The following TMEM17 variants were observed in gnomAD, a reference collection of about 807,000 sequenced individuals.
The protein encoded by TMEM17 is transmembrane protein 17.
Under a neutral mutation model 19.1 loss-of-function variants are expected in TMEM17, and 15 were observed. The ratio of observed to expected loss-of-function variants is 0.78; its 90% CI spans 0.52 to 1.21. The LOEUF (loss-of-function observed/expected upper bound fraction) is 1.21. Ranked by LOEUF, TMEM17 falls within the 50% of genes most tolerant of loss-of-function variation. TMEM17 has a pLI of 0.00. For missense variants in TMEM17, 245 were observed against 242.3 expected (o/e 1.01, Z -0.07); for synonymous variants, 103 against 86.9 (o/e 1.19, Z -1.03).
At chr2:62,475,120 G>A in the TMEM17 span, among the ~76,000 whole-genome samples, 1 of 152,182 alleles carries the variant, frequency 6.6e-6, no homozygotes, top group East Asian at 1.9e-4. Flanking sequence ...TGCAGGAGAA[G>A]CTCCAGGAGA....
the TMEM17 span, among the ~76,000 whole-genome samples, chr2:62,454,791 C>T: frequency 6.6e-6 from 1 of 152,208 alleles, no homozygotes; most frequent in African/African-American, 2.4e-5. Flanking sequence ...GCAAGCTCCG[C>T]CTCCTGGGTT....
At chr2:62,495,312 C>T (rs1679753056), downstream of TMEM17, among the ~76,000 whole-genome samples, 1 of 152,190 alleles carries the variant, frequency 6.6e-6, no homozygotes, top group Admixed American at 6.5e-5. Flanking sequence ...TGATGCCTAG[C>T]CTCACTTTCA....
chr2:62,474,489 C>T, the TMEM17 span, among the ~76,000 whole-genome samples: 25 of 152,290 alleles, frequency 1.6e-4, no homozygotes, highest in Admixed American at 7.8e-4. Context: ...AGCACGGTAA[C>T]GTTCCTACAT....
chr2:62,488,482 G>A, the TMEM17 span, among the ~76,000 whole-genome samples: 1 of 140,048 alleles, frequency 7.1e-6, no homozygotes, highest in African/African-American at 2.7e-5. Context: ...TTTAAATAAA[G>A]GATGAGTTTT....
chr2:62,475,363 G>C, the TMEM17 span, among the ~76,000 whole-genome samples: 1 of 152,230 alleles, frequency 6.6e-6, no homozygotes, highest in Non-Finnish European at 1.5e-5. Context: ...GCCTCTTCGA[G>C]AGGGACCGCT....
In TMEM17 at chr2:62,501,370, T is replaced by C; in HGVS notation, c.436A>G (p.Ile146Val). 1.9e-6 allele frequency: 3 copies of C among 1,614,210 alleles called. No individual in the cohort carries two copies. Among genetic ancestry groups the C allele is most frequent in the Non-Finnish European group, 2.5e-6 (3 of 1,180,044 alleles). ...NLPLEKAIHI[I>V]FTLFLAFQVV... The stretch of plus-strand genomic sequence containing the variant: ...TGGAAAGCAAGGAAGAGAGTGAAGA[T>C]GATATGTATCGCTTTTTCCAAGGGC... Residue 146 changes from isoleucine (I) to valine (V), a missense_variant, in exon 4 of 4, where the codon ATC becomes GTC. By Grantham distance (29) the Ile-to-Val change is conservative (BLOSUM62 3). Coordinates refer to ENST00000335390, the MANE Select transcript of TMEM17 (RefSeq NM_198276.3).
chr2:62,474,683 G>T, the TMEM17 span, among the ~76,000 whole-genome samples: 1 of 152,112 alleles, frequency 6.6e-6, no homozygotes, highest in African/African-American at 2.4e-5. Flanking sequence ...TGCCCTGGGG[G>T]CTGGTAGCAT....
At chr2:62,466,969 T>G in the TMEM17 span, among the ~76,000 whole-genome samples, 1 of 152,156 alleles carries the variant, frequency 6.6e-6, no homozygotes, top group African/African-American at 2.4e-5. Flanking sequence ...CCCTTAGACA[T>G]TCCATTTTAT....
At chr2:62,479,064 G>A in the TMEM17 span, among the ~76,000 whole-genome samples, 752 of 152,272 alleles carry the variant, frequency 4.9e-3, 7 homozygotes, top group African/African-American at 0.017. Context: ...TCATTTCTTC[G>A]TGTTGGGAAC....
At chr2:62,481,588 T>G in the TMEM17 span, among the ~76,000 whole-genome samples, 1 of 152,154 alleles carries the variant, frequency 6.6e-6, no homozygotes, top group African/African-American at 2.4e-5. Flanking sequence ...TGGCCTTTAT[T>G]GTGTTGAGGC....
At chr2:62,468,250 C>G in the TMEM17 span, among the ~76,000 whole-genome samples, 1 of 152,130 alleles carries the variant, frequency 6.6e-6, no homozygotes, top group Admixed American at 6.5e-5. Flanking sequence ...CGGTTTGGCC[C>G]AGGGCTGAGC....
chr2:62,475,820 A>T, the TMEM17 span, among the ~76,000 whole-genome samples: 1 of 152,224 alleles, frequency 6.6e-6, no homozygotes, highest in African/African-American at 2.4e-5. Flanking sequence ...GGAACAAAAC[A>T]TGACTACACT....
intron 3 of TMEM17, 163 bp from the exon 4 acceptor site, chr2:62,501,650 G>C (rs1481291803): frequency 3.0e-6 from 2 of 672,600 alleles, no homozygotes; most frequent in African/African-American, 1.8e-5. Flanking sequence ...TTACAGTCTA[G>C]ATGAGAAAAC....
chr2:62,461,367 C>T, the TMEM17 span, among the ~76,000 whole-genome samples: 1 of 152,170 alleles, frequency 6.6e-6, no homozygotes, highest in Non-Finnish European at 1.5e-5. Context: ...CTCTGCACCT[C>T]CAGTTCAGTC....
the TMEM17 span, among the ~76,000 whole-genome samples, chr2:62,487,983 C>T: frequency 6.6e-6 from 1 of 152,218 alleles, no homozygotes; most frequent in Middle Eastern, 3.2e-3. Flanking sequence ...GTGTGAGCCA[C>T]CATTCCTAGC....
chr2:62,483,401 G>T, the TMEM17 span, among the ~76,000 whole-genome samples: 1 of 152,112 alleles, frequency 6.6e-6, no homozygotes, highest in African/African-American at 2.4e-5. Context: ...TGTAGGAAAA[G>T]GCAAGCAAAG....
chr2:62,496,521 T>C (rs867153823), downstream of TMEM17, among the ~76,000 whole-genome samples: 3 of 152,334 alleles, frequency 2.0e-5, no homozygotes, highest in South Asian at 2.1e-4. Flanking sequence ...GGTAAATACT[T>C]TTAATGTTTT....
rs1330850480 is a variant in TMEM17, at chr2:62,501,329, A to T, written c.477T>A (p.Phe159Leu). Residue 159 changes from phenylalanine to leucine, a missense_variant, in exon 4 of 4, where the codon TTT (phenylalanine) becomes TTA (leucine). By Grantham distance (22) the Phe-to-Leu change is conservative. Transcript: ENST00000335390. ...GATTAACCATTTTCCTTAAGGTAAG[A>T]AATGCTGCAACAACTTGGAAAGCAA... ...LFLAFQVVAA[F>L]LTLRKMVNQL... 1 of 1,614,228 alleles carries T rather than the reference A, an allele frequency of 6.2e-7. No homozygotes were observed. The highest frequency in any genetic ancestry group is 1.1e-5 in the South Asian group (1 of 91,090).
intron 1 of TMEM17, among the ~76,000 whole-genome samples, chr2:62,505,132 T>C (rs1303833241): frequency 6.6e-6 from 1 of 152,172 alleles, no homozygotes; most frequent in African/African-American, 2.4e-5. Context: ...TGCCTTTACT[T>C]TTCTCTGTCC....
Sources: gnomAD v4.1 joint callset for allele counts (sites outside exome capture counted in the v4.1 genomes callset) on GRCh38, gnomAD v4.1.1 for gene constraint, MANE v1.5 for transcripts, NCBI Gene and HGNC (gene_info 2026-07-23, HGNC 2026-07-21) for gene names.